Variants in PIAS2 observed in about 807,000 individuals in gnomAD.
PIAS2 encodes E3 SUMO-protein ligase PIAS2.
A neutral mutation model predicts 69.7 loss-of-function variants in PIAS2; 19 were observed. The ratio of observed to expected loss-of-function variants is 0.27; its 90% confidence interval spans 0.19 to 0.40. The LOEUF (loss-of-function observed/expected upper bound fraction) is 0.40, where lower values mean the gene tolerates loss of function less well. Ranked by LOEUF, PIAS2 falls within the 10% of genes least tolerant of loss-of-function variation. The probability of loss-of-function intolerance (pLI) is 1.00; values close to 1 mark genes in which losing one functional copy is unlikely to be tolerated. For synonymous variants in PIAS2, 261 were observed against 263.2 expected (o/e 0.99, Z 0.08); for missense variants, 624 against 757.0 (o/e 0.82, Z 2.06).
At chr18:46,827,486 A>T (rs2144919589) in intron 11 of PIAS2, 1 of 152,480 alleles carries the variant, frequency 6.6e-6, no homozygotes, top group Non-Finnish European at 1.5e-5. Context: ...TCTCATTAAA[A>T]CCTGAAAATG....
chr18:46,875,380 T>C (rs1409284391), intron 2 of PIAS2, among the ~76,000 whole-genome samples: 1 of 152,122 alleles, frequency 6.6e-6, no homozygotes, highest in Non-Finnish European at 1.5e-5. Flanking sequence ...TCCCACCCCA[T>C]CAAATTGTAA....
At position 46,812,610 on chromosome 18, in the gene PIAS2, G is replaced by A. The variant is rs755121245; in HGVS notation, c.1689C>T (p.Tyr563=). ...FLSLIPVDPQ[Y]CPPMFLDSLT... The stretch of plus-strand genomic sequence containing the variant: ...GACTATCCAAAAACATAGGAGGACA[G>A]TACTGCTTGAAACAAACAATGATGC... The change falls in exon 14 of 14, where the codon TAC becomes TAT. Residue 563 remains tyrosine (Y), a splice_region_variant and synonymous_variant. Coordinates refer to ENST00000585916, the MANE Select transcript of PIAS2 (RefSeq NM_004671.5). The A allele has an allele frequency of 3.1e-6, 5 of 1,601,570 alleles. No homozygotes were observed. The South Asian group carries it at 5.6e-5, about 18-fold the overall frequency.
intron 12 of PIAS2, among the ~76,000 whole-genome samples, chr18:46,819,766 G>C (rs977238302): frequency 6.6e-6 from 1 of 152,160 alleles, no homozygotes; most frequent in East Asian, 1.9e-4. Context: ...GAATGTACTG[G>C]TTCTAACTTG....
chr18:46,876,233 A>T (rs1180621579), intron 2 of PIAS2, among the ~76,000 whole-genome samples: 1 of 152,206 alleles, frequency 6.6e-6, no homozygotes, highest in African/African-American at 2.4e-5. Context: ...AAGACAAAGG[A>T]TTGTATAACA....
chr18:46,918,100 A>G (rs2058206725), upstream of PIAS2: 1 of 152,050 alleles, frequency 6.6e-6, no homozygotes, highest in African/African-American at 2.4e-5. Flanking sequence ...GAAGTGAAAT[A>G]AGAGCGCTCA....
At chr18:46,912,806 T>A (rs1249569446) in intron 1 of PIAS2, among the ~76,000 whole-genome samples, 1 of 152,162 alleles carries the variant, frequency 6.6e-6, no homozygotes, top group Non-Finnish European at 1.5e-5. Context: ...TGGGATTTAA[T>A]GGAAAAGGGA....
At chr18:46,841,753 A>G in intron 8 of PIAS2, among the ~76,000 whole-genome samples, 1 of 152,246 alleles carries the variant, frequency 6.6e-6, no homozygotes, top group South Asian at 2.1e-4. Context: ...ACTTCTGAGC[A>G]GAGAGAAAAA....
chr18:46,914,886 C>CA (rs751560964), intron 1 of PIAS2: 14 of 152,268 alleles, frequency 9.2e-5, no homozygotes, highest in Admixed American at 2.0e-4. Context: ...CTGACCACCA[C>CA]AATATATTCT....
chr18:46,851,315 A>G (rs2046938276), intron 5 of PIAS2, among the ~76,000 whole-genome samples: 1 of 152,218 alleles, frequency 6.6e-6, no homozygotes, highest in Non-Finnish European at 1.5e-5. Context: ...GGGATCTTTA[A>G]AAGAAATATT....
At chr18:46,874,625 G>A (rs1013675745) in intron 2 of PIAS2, among the ~76,000 whole-genome samples, 2 of 152,088 alleles carry the variant, frequency 1.3e-5, no homozygotes, top group African/African-American at 2.4e-5. Context: ...ACTACCCCTC[G>A]GAAAGATATT....
intron 2 of PIAS2, among the ~76,000 whole-genome samples, chr18:46,874,514 A>T (rs1403029938): frequency 6.6e-6 from 1 of 152,212 alleles, no homozygotes; most frequent in Non-Finnish European, 1.5e-5. Context: ...GGAAGAGTAG[A>T]AAGAATGAAC....
chr18:46,823,968 T>C (rs758360572), intron 11 of PIAS2, among the ~76,000 whole-genome samples: 4 of 152,208 alleles, frequency 2.6e-5, no homozygotes, highest in Non-Finnish European at 5.9e-5. Flanking sequence ...ATGATGGATG[T>C]AAAAATGTGA....
intron 2 of PIAS2, among the ~76,000 whole-genome samples, chr18:46,876,385 A>G (rs933047923): frequency 6.6e-6 from 1 of 152,234 alleles, no homozygotes; most frequent in African/African-American, 2.4e-5. Flanking sequence ...TTAACTGTAA[A>G]TAAAAATGTA....
At chr18:46,817,681 T>A in intron 12 of PIAS2, 1 of 956,436 alleles carries the variant, frequency 1.0e-6, no homozygotes, top group Non-Finnish European at 1.2e-6. Context: ...CTAGATTGTT[T>A]ACCAAGCATT....
chr18:46,908,872 G>A (rs2056937396), intron 1 of PIAS2, among the ~76,000 whole-genome samples: 1 of 152,134 alleles, frequency 6.6e-6, no homozygotes, highest in Non-Finnish European at 1.5e-5. Context: ...AGCCAGGCAT[G>A]GTGGCGGGTA....
intron 6 of PIAS2, chr18:46,846,478 T>C: frequency 5.9e-6 from 2 of 341,770 alleles, no homozygotes; most frequent in Non-Finnish European, 1.0e-5. Flanking sequence ...AATATAAATA[T>C]GCATATTTCC....
At chr18:46,830,517 T>C (rs2144982764) in intron 9 of PIAS2, among the ~76,000 whole-genome samples, 1 of 152,108 alleles carries the variant, frequency 6.6e-6, no homozygotes, top group South Asian at 2.1e-4. Flanking sequence ...ATAGCATTAA[T>C]CTTCCCTAAT....
At chr18:46,873,565 G>A (rs1196490635) in intron 2 of PIAS2, among the ~76,000 whole-genome samples, 3 of 152,194 alleles carry the variant, frequency 2.0e-5, no homozygotes, top group Middle Eastern at 6.8e-3. Context: ...CATTAAATCA[G>A]GCTTTAAAAC....
chr18:46,816,369 T>C, intron 12 of PIAS2: 3 of 971,432 alleles, frequency 3.1e-6, no homozygotes, highest in South Asian at 4.8e-5. Flanking sequence ...CAAATAAGGG[T>C]ATTACAAAAA....
Sources: allele counts gnomAD v4.1 joint callset (sites outside exome capture counted in the v4.1 genomes callset), GRCh38; gene constraint gnomAD v4.1.1; transcripts MANE v1.5; gene names NCBI Gene and HGNC (gene_info 2026-07-23, HGNC 2026-07-21).